Variants in RAB1A observed in about 807,000 individuals in gnomAD.
The protein encoded by RAB1A is ras-related protein Rab-1A.
Under a neutral mutation model 26.0 loss-of-function variants are expected in RAB1A, and 2 were observed. The observed-to-expected ratio is 0.08, with a 90% CI of 0.03 to 0.24. RAB1A has a LOEUF of 0.24. Ranked by LOEUF, RAB1A falls within the 10% of genes least tolerant of loss-of-function variation. The probability of loss-of-function intolerance (pLI) is 1.00; values close to 1 mark genes in which losing one functional copy is unlikely to be tolerated. For missense variants in RAB1A, 100 were observed against 247.0 expected, an observed-to-expected ratio of 0.40 and a Z score of 3.99; for synonymous variants, 84 against 84.9, an observed-to-expected ratio of 0.99 and a Z score of 0.06.
rs139926184 is a variant in RAB1A, at chr2:65,118,030, T to C, written c.23+11863A>G. 4.0e-3 allele frequency among the ~76,000 whole-genome samples: 602 copies of C among 152,358 alleles called. 1 individual carries two copies. The highest frequency in any genetic ancestry group is 0.01 in the Middle Eastern group (3 of 294). On this transcript the variant is annotated intron_variant, in intron 1 of 5. Coordinates refer to ENST00000409784, the MANE Select transcript of RAB1A (RefSeq NM_004161.5). ...TAACTCTTCTCTGCCTCTGTTTCCTTGTTTGTAAAACTAGGGCATTTTCTT... is the reference window on the plus strand; with the variant it reads ...TAACTCTTCTCTGCCTCTGTTTCCTCGTTTGTAAAACTAGGGCATTTTCTT...
intron 3 of RAB1A, among the ~76,000 whole-genome samples, chr2:65,094,323 G>A (rs571346193): frequency 2.6e-5 from 4 of 152,272 alleles, no homozygotes; most frequent in Middle Eastern, 3.4e-3. Flanking sequence ...CGTGGCTCAC[G>A]ACTGTAATCC....
intron 1 of RAB1A, among the ~76,000 whole-genome samples, chr2:65,126,718 A>T (rs934807838): frequency 6.6e-6 from 1 of 152,256 alleles, no homozygotes; most frequent in African/African-American, 2.4e-5. Flanking sequence ...TACTGGAAGC[A>T]GGAAAAGCAT....
At chr2:65,103,579 A>T (rs1669485983) in intron 2 of RAB1A, among the ~76,000 whole-genome samples, 1 of 152,100 alleles carries the variant, frequency 6.6e-6, no homozygotes, top group Admixed American at 6.5e-5. Flanking sequence ...AGCCAATGTC[A>T]TCACTGAAAA....
At chr2:65,129,402 G>T (rs889554939) in intron 1 of RAB1A, among the ~76,000 whole-genome samples, 1 of 152,032 alleles carries the variant, frequency 6.6e-6, no homozygotes, top group South Asian at 2.1e-4. Flanking sequence ...TGGCGGGGAG[G>T]ATGGAAGGAG....
intron 1 of RAB1A, among the ~76,000 whole-genome samples, chr2:65,107,986 C>T (rs560791220): frequency 3.3e-5 from 5 of 150,186 alleles, no homozygotes; most frequent in Non-Finnish European, 1.5e-5. Context: ...ATTGCTTGAA[C>T]TCAGGAGGTG....
At chr2:65,126,688 T>C (rs1357244259) in intron 1 of RAB1A, among the ~76,000 whole-genome samples, 2 of 152,228 alleles carry the variant, frequency 1.3e-5, no homozygotes, top group African/African-American at 2.4e-5. Flanking sequence ...AATATACCAT[T>C]GTTAGTTATT....
At chr2:65,106,222 TTC>T (rs1469341097) in intron 1 of RAB1A, among the ~76,000 whole-genome samples, 1 of 152,208 alleles carries the variant, frequency 6.6e-6, no homozygotes, top group African/African-American at 2.4e-5. Context: ...GTTCTATGCA[TTC>T]TTTTAAGCAA....
chr2:65,117,599 C>T (rs1009087604), intron 1 of RAB1A, among the ~76,000 whole-genome samples: 2 of 152,152 alleles, frequency 1.3e-5, no homozygotes, highest in Non-Finnish European at 2.9e-5. Context: ...TAGGCTCTCA[C>T]TCTGTCACCT....
intron 1 of RAB1A, among the ~76,000 whole-genome samples, chr2:65,116,107 A>G (rs948823903): frequency 2.0e-5 from 3 of 152,116 alleles, no homozygotes; most frequent in African/African-American, 4.8e-5. Context: ...CAGTGAGCTG[A>G]TATCACGCCA....
Position 65,088,668 on chromosome 2 carries a change from A to G in RAB1A, c.443T>C (p.Ile148Thr). Residue 148 changes from isoleucine to threonine, a missense_variant, in exon 6 of 6, where the codon ATT (isoleucine) becomes ACT (threonine). Coordinates refer to ENST00000409784, the MANE Select transcript of RAB1A (RefSeq NM_004161.5). ...CTTAGCACTGGTTTCCAAAAACGGAATTCCAAGGGAATCAGCAAATTCCTA... is the reference window on the plus strand; with the variant it reads ...CTTAGCACTGGTTTCCAAAAACGGAGTTCCAAGGGAATCAGCAAATTCCTA... The part of the protein sequence containing the change: ...TAKEFADSLG[I>T]PFLETSAKNA... The G allele has an allele frequency of 6.2e-7, 1 of 1,608,908 alleles. No homozygotes were observed. Among genetic ancestry groups the G allele is most frequent in the East Asian group, 2.2e-5 (1 of 44,846 alleles).
intron 1 of RAB1A, among the ~76,000 whole-genome samples, chr2:65,123,416 C>T (rs1008595214): frequency 6.6e-6 from 1 of 151,956 alleles, no homozygotes; most frequent in African/African-American, 2.4e-5. Context: ...GATTCGCCCA[C>T]CTCGGCCTCC....
chr2:65,091,289 C>T (rs1418173201), intron 3 of RAB1A, among the ~76,000 whole-genome samples: 3 of 152,082 alleles, frequency 2.0e-5, no homozygotes, highest in Admixed American at 1.3e-4. Context: ...ATTGAGCTTA[C>T]GATAATAATA....
chr2:65,096,481 C>A (rs1669288759), intron 3 of RAB1A, among the ~76,000 whole-genome samples: 1 of 152,174 alleles, frequency 6.6e-6, no homozygotes, highest in South Asian at 2.1e-4. Flanking sequence ...CACACGAATA[C>A]ACACCCAAAT....
intron 1 of RAB1A, among the ~76,000 whole-genome samples, chr2:65,108,479 T>C (rs1031661935): frequency 6.6e-6 from 1 of 152,178 alleles, no homozygotes; most frequent in Admixed American, 6.6e-5. Flanking sequence ...CACTACATTT[T>C]TTTAAGTTTT....
intron 1 of RAB1A, among the ~76,000 whole-genome samples, chr2:65,116,759 C>T (rs564172995): frequency 2.0e-5 from 3 of 152,270 alleles, no homozygotes; most frequent in Non-Finnish European, 2.9e-5. Context: ...TTAAAAATTG[C>T]CAACTAATAG....
intron 1 of RAB1A, among the ~76,000 whole-genome samples, chr2:65,105,797 C>G (rs1241189801): frequency 6.6e-6 from 1 of 151,190 alleles, no homozygotes; most frequent in African/African-American, 2.4e-5. Context: ...GAGTCTTGCT[C>G]TGTCACCCAG....
At chr2:65,104,954 A>G (rs1044105242) in intron 1 of RAB1A, 148 bp from the exon 2 acceptor site, 12 of 766,844 alleles carry the variant, frequency 1.6e-5, no homozygotes, top group African/African-American at 1.2e-4. Flanking sequence ...CCAAAACTGC[A>G]AACAGCCACA....
chr2:65,103,060 T>C (rs1056181943), intron 2 of RAB1A, among the ~76,000 whole-genome samples: 8 of 150,524 alleles, frequency 5.3e-5, no homozygotes, highest in African/African-American at 1.7e-4. Context: ...AAAAAGTGCT[T>C]TCTCCAGCAC....
chr2:65,130,055 C>T lies in RAB1A; in HGVS notation c.-140G>A. On this transcript the variant is annotated 5_prime_UTR_variant, in exon 1 of 6. Transcript: ENST00000409784. ...CAAACGTCTTCCCCTACTCCGTCCC[C>T]TAGAACACAATCAGCAGCCGCCGCC... 2.1e-6 allele frequency: 2 copies of T among 956,844 alleles called. No homozygotes were observed. The highest frequency in any genetic ancestry group is 3.2e-6 in the Non-Finnish European group (2 of 618,648). 59.3% of individuals were successfully genotyped at this position (956,844 alleles called of 1,614,324 possible). A position where few individuals can be genotyped will look rare whatever the true frequency, so the allele number is the denominator to read the frequency against.
Sources: allele counts gnomAD v4.1 joint callset (sites outside exome capture counted in the v4.1 genomes callset), GRCh38; gene constraint gnomAD v4.1.1; transcripts MANE v1.5; gene names NCBI Gene and HGNC (gene_info 2026-07-23, HGNC 2026-07-21).